CEP170: variants seen among roughly 807,000 people sequenced by gnomAD.
The protein encoded by CEP170 is centrosomal protein of 170 kDa.
A neutral mutation model predicts 151.9 loss-of-function variants in CEP170; 21 were observed. That is an observed-to-expected ratio of 0.14 (90% CI 0.10 to 0.20). The LOEUF is 0.20. Ranked by LOEUF, CEP170 falls within the 10% of genes least tolerant of loss-of-function variation. The pLI, the probability that CEP170 is intolerant of heterozygous loss-of-function variation, is 1.00. For synonymous variants in CEP170, 356 were observed against 648.8 expected, an observed-to-expected ratio of 0.55 and a Z score of 6.86; for missense variants, 964 against 1,892.9, an observed-to-expected ratio of 0.51 and a Z score of 9.11.
chr1:243,186,618 G>A, intron 8 of CEP170, 196 bp from the exon 9 acceptor site: 1 of 555,768 alleles, frequency 1.8e-6, no homozygotes, highest in Admixed American at 3.6e-5. Flanking sequence ...TAACAATGAG[G>A]TCCTTTATAA....
At chr1:243,234,480 C>T (rs10926975) in intron 1 of CEP170, among the ~76,000 whole-genome samples, 38,118 of 152,072 alleles carry the variant, frequency 0.25, 4,928 homozygotes, top group South Asian at 0.41. Flanking sequence ...AAGTGATACA[C>T]TTCACCTTAC....
At chr1:243,203,567 C>T (rs1024680565) in intron 4 of CEP170, among the ~76,000 whole-genome samples, 34 of 152,176 alleles carry the variant, frequency 2.2e-4, no homozygotes, top group Admixed American at 9.2e-4. Flanking sequence ...TCAGATATCA[C>T]TGTAAACATA....
chr1:243,244,545 C>A (rs1231385282), intron 1 of CEP170, among the ~76,000 whole-genome samples: 1 of 152,098 alleles, frequency 6.6e-6, no homozygotes, highest in Non-Finnish European at 1.5e-5. Context: ...GAACTTGAGA[C>A]CGGCCTGGGC....
chr1:243,212,688 T>TCC (rs1553383611), intron 3 of CEP170, among the ~76,000 whole-genome samples: 17 of 149,802 alleles, frequency 1.1e-4, no homozygotes, highest in African/African-American at 3.7e-4. Context: ...ATTTTCTTTC[T>TCC]TCTCTCTCTC....
chr1:243,247,808 C>G (rs2065563146), intron 1 of CEP170, among the ~76,000 whole-genome samples: 1 of 152,190 alleles, frequency 6.6e-6, no homozygotes, highest in Admixed American at 6.5e-5. Flanking sequence ...CAACATAGTT[C>G]TTCAAATCTA....
intron 13 of CEP170, among the ~76,000 whole-genome samples, chr1:243,158,959 C>T (rs1326437238): frequency 6.6e-6 from 1 of 151,858 alleles, no homozygotes. Context: ...CCCAGCTACT[C>T]GGGAGGCTAA....
At chr1:243,168,824 CTGTTCACAG>C (rs1378512469) in intron 12 of CEP170, among the ~76,000 whole-genome samples, 1 of 151,724 alleles carries the variant, frequency 6.6e-6, no homozygotes, top group Non-Finnish European at 1.5e-5. Context: ...CTTTATATTT[CTGTTCACAG>C]AAATATAAAA....
intron 12 of CEP170, among the ~76,000 whole-genome samples, chr1:243,168,756 G>T (rs139670205): frequency 0.045 from 6,740 of 151,370 alleles, 308 homozygotes; most frequent in African/African-American, 0.12. Context: ...GAAAACTAAT[G>T]AACAAAAAGT....
chr1:243,232,213 C>A (rs1379299150), intron 1 of CEP170, among the ~76,000 whole-genome samples: 1 of 152,152 alleles, frequency 6.6e-6, no homozygotes, highest in Non-Finnish European at 1.5e-5. Context: ...AATCCACCCG[C>A]TTCAGCCTCT....
intron 1 of CEP170, among the ~76,000 whole-genome samples, chr1:243,244,535 G>T (rs574430476): frequency 3.7e-4 from 55 of 150,136 alleles, no homozygotes; most frequent in African/African-American, 1.3e-3. Flanking sequence ...TTGAGCTCAG[G>T]AACTTGAGAC....
Position 243,125,160 on chromosome 1 carries a change from G to C in CEP170, c.*1289C>G, listed in dbSNP as rs1341349592. ...CCAGGTCTACTAATAATATTTAACTGAATTAAGATACACCCCAATTATAGT... is the reference window on the plus strand; with the variant it reads ...CCAGGTCTACTAATAATATTTAACTCAATTAAGATACACCCCAATTATAGT... On this transcript the variant is annotated 3_prime_UTR_variant, in exon 20 of 20. Transcript: ENST00000366542. The C allele has an allele frequency of 6.6e-6, 1 of 151,970 alleles. No homozygotes were observed. Among genetic ancestry groups the C allele is most frequent in the African/African-American group, 2.4e-5 (1 of 41,380 alleles). The allele number at this position is 151,970 out of a possible 1,614,324, so 9.4% of individuals were successfully genotyped here.
At chr1:243,147,632 T>C (rs1315337744) in intron 14 of CEP170, among the ~76,000 whole-genome samples, 5 of 152,338 alleles carry the variant, frequency 3.3e-5, no homozygotes, top group East Asian at 3.9e-4. Context: ...CTTCCATATA[T>C]GGATCCTTGA....
intron 1 of CEP170, chr1:243,254,258 C>T (rs2066298431): frequency 6.6e-6 from 1 of 152,052 alleles, no homozygotes; most frequent in Admixed American, 6.5e-5. Context: ...GATTCTGTGA[C>T]TTAGTATACA....
intron 17 of CEP170, among the ~76,000 whole-genome samples, chr1:243,133,447 G>C (rs1373054375): frequency 2.0e-5 from 3 of 151,994 alleles, no homozygotes; most frequent in African/African-American, 7.2e-5. Context: ...CTTCCATAAT[G>C]CCCCAGCTTT....
intron 1 of CEP170, among the ~76,000 whole-genome samples, chr1:243,244,843 AT>A (rs1196020330): frequency 6.6e-6 from 1 of 152,206 alleles, no homozygotes; most frequent in Non-Finnish European, 1.5e-5. Flanking sequence ...AAAAAAAAAA[AT>A]CAATTAACAC....
intron 1 of CEP170, among the ~76,000 whole-genome samples, chr1:243,238,470 G>C (rs1234558049): frequency 6.6e-6 from 1 of 151,330 alleles, no homozygotes; most frequent in Non-Finnish European, 1.5e-5. Flanking sequence ...AAAAAAAAAA[G>C]AATAGTGATA....
At chr1:243,199,278 G>A (rs1465544728) in intron 6 of CEP170, 84 bp from the exon 7 acceptor site, 4 of 1,420,036 alleles carry the variant, frequency 2.8e-6, no homozygotes, top group Non-Finnish European at 3.8e-6. Flanking sequence ...CTGCCTGCTT[G>A]ATTAATTAAA....
intron 8 of CEP170, among the ~76,000 whole-genome samples, chr1:243,190,160 G>A (rs1054861660): frequency 6.6e-6 from 1 of 152,160 alleles, no homozygotes; most frequent in Non-Finnish European, 1.5e-5. Context: ...TAGATGAAGT[G>A]TTAGGAGTAC....
intron 4 of CEP170, among the ~76,000 whole-genome samples, chr1:243,206,213 A>C (rs1298543763): frequency 1.3e-5 from 2 of 152,298 alleles, no homozygotes; most frequent in East Asian, 3.9e-4. Flanking sequence ...GGCTCATTGC[A>C]ACCTCCGCCT....
Sources: gnomAD v4.1 joint callset for allele counts (sites outside exome capture counted in the v4.1 genomes callset) on GRCh38, gnomAD v4.1.1 for gene constraint, MANE v1.5 for transcripts, NCBI Gene and HGNC (gene_info 2026-07-23, HGNC 2026-07-21) for gene names.